The following TRPC1 variants were observed in gnomAD, a reference collection of about 807,000 sequenced individuals.
TRPC1 encodes the protein transient receptor potential cation channel subfamily C member 1, also known as short transient receptor potential channel 1.
Under a neutral mutation model 88.2 loss-of-function variants are expected in TRPC1, and 42 were observed. The ratio of observed to expected loss-of-function variants is 0.48; its 90% CI spans 0.37 to 0.62. The LOEUF is 0.62. TRPC1 is among the 20% of genes least tolerant of loss of function. The probability of loss-of-function intolerance (pLI) is 0.00; values close to 1 mark genes in which losing one functional copy is unlikely to be tolerated. For synonymous variants in TRPC1, 288 were observed against 331.8 expected, an observed-to-expected ratio of 0.87 and a Z score of 1.43; for missense variants, 699 against 957.3, an observed-to-expected ratio of 0.73 and a Z score of 3.56.
chr3:142,770,535 C>G (rs1935541378), intron 4 of TRPC1, among the ~76,000 whole-genome samples: 1 of 152,134 alleles, frequency 6.6e-6, no homozygotes, highest in Non-Finnish European at 1.5e-5. Flanking sequence ...ACATCTTTTT[C>G]CAGCTTTTAA....
At chr3:142,784,661 T>G (rs1216442867) in intron 6 of TRPC1, 43 bp from the exon 7 acceptor site, 1 of 1,474,472 alleles carries the variant, frequency 6.8e-7, no homozygotes, top group African/African-American at 1.4e-5. Context: ...AAAGGTTTCC[T>G]TTTACTTTTT....
At position 142,746,412 on chromosome 3, in the gene TRPC1, T is replaced by G. The variant is rs1321598368; in HGVS notation, c.430-1846T>G. On this transcript the variant is annotated intron_variant, in intron 3 of 12. Coordinates refer to ENST00000476941, the MANE Select transcript of TRPC1 (RefSeq NM_001251845.2). Reference sequence around the variant, plus strand: ...TTTTCTCTTAAGGGATTAAATATATTTTATTCTTCTTTATAACCAGTAATG... The same window carrying G: ...TTTTCTCTTAAGGGATTAAATATATGTTATTCTTCTTTATAACCAGTAATG... Among the ~76,000 whole-genome samples the G allele has an allele frequency of 7.2e-5, 11 of 152,170 alleles. No homozygotes were observed. In the East Asian group the frequency reaches 1.7e-3, roughly 24 times the overall value.
At chr3:142,727,510 T>C (rs1485201655) in intron 1 of TRPC1, among the ~76,000 whole-genome samples, 1 of 152,160 alleles carries the variant, frequency 6.6e-6, no homozygotes, top group Non-Finnish European at 1.5e-5. Context: ...GTAAGTAAGT[T>C]CGGTAGATTT....
At chr3:142,800,039 T>C (rs1349982286) in intron 9 of TRPC1, among the ~76,000 whole-genome samples, 1 of 152,166 alleles carries the variant, frequency 6.6e-6, no homozygotes, top group Non-Finnish European at 1.5e-5. Context: ...ATCTTTTCTG[T>C]AGTTATCAAA....
intron 4 of TRPC1, among the ~76,000 whole-genome samples, chr3:142,757,468 G>A (rs1935016092): frequency 6.6e-6 from 1 of 152,032 alleles, no homozygotes; most frequent in Non-Finnish European, 1.5e-5. Flanking sequence ...GGAATACTAG[G>A]CATGTAGACA....
intron 4 of TRPC1, among the ~76,000 whole-genome samples, chr3:142,756,008 A>G (rs899167373): frequency 1.3e-5 from 2 of 152,190 alleles, no homozygotes; most frequent in African/African-American, 4.8e-5. Flanking sequence ...ATCATAAAAT[A>G]TCTTGACTTA....
rs781340222 is a variant in TRPC1 at position 142,791,254 on chromosome 3, G to T, written c.1437+96G>T. 1,138 of 1,103,944 alleles carry T rather than the reference G, an allele frequency of 1.0e-3. 26 individuals carry two copies. Among genetic ancestry groups the T allele is most frequent in the Non-Finnish European group, 2.8e-4 (222 of 793,434 alleles). The allele number at this position is 1,103,944 out of a possible 1,614,324, so 68.4% of individuals were successfully genotyped here. A position where few individuals can be genotyped will look rare whatever the true frequency, so the allele number is the denominator to read the frequency against. ...TGTAACTCAGAGTTACATTGAGCCAGATCAGTGTCTGGTGTGTTTTCATTT... is the reference window on the plus strand; with the variant it reads ...TGTAACTCAGAGTTACATTGAGCCATATCAGTGTCTGGTGTGTTTTCATTT... On this transcript the variant is annotated intron_variant, in intron 8 of 12. Transcript: ENST00000476941.
In TRPC1 at chr3:142,776,754, T is replaced by C. The variant is rs1414573343; in HGVS notation, c.633-878T>C. On this transcript the variant is annotated intron_variant, in intron 4 of 12. Coordinates refer to ENST00000476941, the MANE Select transcript of TRPC1 (RefSeq NM_001251845.2). This position sits in a 1 kb window ranked among gnomAD's most constrained non-coding sequence, Gnocchi z 4.1. ...CCCGTCTCTACTAAAAATACAAAAA[T>C]TAGCCAGGCGTGGTGGCACATGCCT... Among the ~76,000 whole-genome samples the C allele has an allele frequency of 1.3e-5, 2 of 151,594 alleles. No individual in the cohort carries two copies. Among genetic ancestry groups the C allele is most frequent in the Non-Finnish European group, 2.9e-5 (2 of 67,936 alleles).
intron 4 of TRPC1, among the ~76,000 whole-genome samples, chr3:142,751,856 A>G (rs1018088636): frequency 6.6e-6 from 1 of 152,186 alleles, no homozygotes; most frequent in Admixed American, 6.5e-5. Context: ...GCAGAGGTTT[A>G]CCTGGAAATT....
intron 1 of TRPC1, among the ~76,000 whole-genome samples, chr3:142,734,503 C>G (rs540053464): frequency 1.3e-3 from 196 of 152,150 alleles, no homozygotes; most frequent in Non-Finnish European, 2.2e-3. Flanking sequence ...TCTTGAGAGA[C>G]ACAGATGTTG....
At chr3:142,803,683 G>A (rs1936690577) in intron 10 of TRPC1, among the ~76,000 whole-genome samples, 1 of 152,202 alleles carries the variant, frequency 6.6e-6, no homozygotes, top group South Asian at 2.1e-4. Flanking sequence ...GTTTTGAGCA[G>A]AGGTGTGACA....
chr3:142,752,916 AAGTGGCTGGGTCAG>A (rs1488897159), intron 4 of TRPC1, among the ~76,000 whole-genome samples: 1 of 152,126 alleles, frequency 6.6e-6, no homozygotes, highest in African/African-American at 2.4e-5. Context: ...AGTTGAGTCA[AAGTGGCTGGGTCAG>A]AGTGGCTGGG....
Position 142,806,433 on chromosome 3 carries a change from G to C in TRPC1, c.*198G>C. On this transcript the variant is annotated 3_prime_UTR_variant, in exon 13 of 13. Coordinates refer to ENST00000476941, the MANE Select transcript of TRPC1 (RefSeq NM_001251845.2). ...TAGTTTTTTAAACCTTCTGTTAGTG[G>C]CTTTTTGCAGAAGCAAAACAGATTA... 1 of 412,312 alleles carries C rather than the reference G, an allele frequency of 2.4e-6. No individual in the cohort carries two copies. Among genetic ancestry groups the C allele is most frequent in the Non-Finnish European group, 4.2e-6 (1 of 237,748 alleles). 25.5% of individuals were successfully genotyped at this position (412,312 alleles called of 1,614,324 possible).
At chr3:142,749,255 C>A (rs1298474724) in intron 4 of TRPC1, among the ~76,000 whole-genome samples, 1 of 152,138 alleles carries the variant, frequency 6.6e-6, no homozygotes, top group Admixed American at 6.5e-5. Flanking sequence ...CCCTACTGTG[C>A]TGCCAGTCAT....
intron 4 of TRPC1, among the ~76,000 whole-genome samples, chr3:142,761,173 A>G (rs1050027501): frequency 6.6e-6 from 1 of 152,148 alleles, no homozygotes; most frequent in African/African-American, 2.4e-5. Context: ...TCCAGTCTTT[A>G]GAGGAAAGGC....
At chr3:142,774,037 A>C (rs1935674195) in intron 4 of TRPC1, among the ~76,000 whole-genome samples, 1 of 151,596 alleles carries the variant, frequency 6.6e-6, no homozygotes, top group African/African-American at 2.4e-5. Context: ...TTTGTGTTTT[A>C]GTCTCATTTT....
intron 1 of TRPC1, among the ~76,000 whole-genome samples, chr3:142,727,801 A>G (rs4541445): frequency 0.034 from 5,185 of 152,294 alleles, 152 homozygotes; most frequent in East Asian, 0.14. Context: ...GTTTTATGAA[A>G]AATTAAGTAG....
At chr3:142,735,857 G>C (rs552784808) in intron 1 of TRPC1, among the ~76,000 whole-genome samples, 157 of 152,060 alleles carry the variant, frequency 1.0e-3, no homozygotes, top group Admixed American at 1.6e-3. Context: ...ACATATCCTT[G>C]AATATATATG....
rs1331912900 is a variant in TRPC1, at chr3:142,807,490, G to A, written c.*1255G>A. 6.6e-6 allele frequency: 1 copy of A among 152,122 alleles called. No individual in the cohort carries two copies. The highest frequency in any genetic ancestry group is 2.4e-5 in the African/African-American group (1 of 41,436). The allele number at this position is 152,122 out of a possible 1,614,324, so 9.4% of individuals were successfully genotyped here. A position where few individuals can be genotyped will look rare whatever the true frequency, so the allele number is the denominator to read the frequency against. ...TAGGTATATAATTCTCTTCTTAACC[G>A]AATGTCAGATGGTCTTACGCCACAG... On this transcript the variant is annotated 3_prime_UTR_variant, in exon 13 of 13. Coordinates refer to ENST00000476941, the MANE Select transcript of TRPC1 (RefSeq NM_001251845.2).
Sources: allele counts gnomAD v4.1 joint callset (sites outside exome capture counted in the v4.1 genomes callset), GRCh38; gene constraint gnomAD v4.1.1; non-coding constraint Gnocchi (gnomAD v3.1); transcripts MANE v1.5; gene names NCBI Gene and HGNC (gene_info 2026-07-23, HGNC 2026-07-21).